Variants in FARS2 observed in about 807,000 individuals in gnomAD.
FARS2 encodes phenylalanyl-tRNA synthetase 2, mitochondrial, also known as phenylalanine--tRNA ligase, mitochondrial.
A neutral mutation model predicts 46.4 loss-of-function variants in FARS2; 40 were observed. The ratio of observed to expected loss-of-function variants is 0.86; its 90% CI spans 0.67 to 1.12. FARS2 has a LOEUF of 1.12. Ranked by LOEUF, FARS2 falls within the 50% of genes most tolerant of loss-of-function variation. The pLI is 0.00. For missense variants in FARS2, 513 were observed against 567.9 expected, an observed-to-expected ratio of 0.90 and a Z score of 0.98; for synonymous variants, 234 against 214.9, an observed-to-expected ratio of 1.09 and a Z score of -0.78.
chr6:5,648,019 G>A (rs760731985), intron 6 of FARS2, among the ~76,000 whole-genome samples: 4 of 152,168 alleles, frequency 2.6e-5, no homozygotes, highest in Non-Finnish European at 4.4e-5. Context: ...GTTCTTGTGA[G>A]AATTAAATAA....
chr6:5,643,642 A>G (rs1334253096), intron 6 of FARS2, among the ~76,000 whole-genome samples: 2 of 152,200 alleles, frequency 1.3e-5, no homozygotes, highest in East Asian at 3.8e-4. Flanking sequence ...GGTTGACTTC[A>G]GAGGTGCTCT....
In FARS2 at chr6:5,630,407, C is replaced by G. The variant is rs1776242462; in HGVS notation, c.1217+17087C>G. On this transcript the variant is annotated intron_variant, in intron 6 of 6. Transcript: ENST00000274680. The surrounding 1 kb of genome is among the most constrained non-coding windows in gnomAD (Gnocchi z 4.2). ...AAAAATACTTTGGATGATCATGTTT[C>G]TTTAAATATCCCACCCGTTGTGTCT... Among the ~76,000 whole-genome samples the G allele has an allele frequency of 6.6e-6, 1 of 152,174 alleles. No homozygotes were observed. Among genetic ancestry groups the G allele is most frequent in the African/African-American group, 2.4e-5 (1 of 41,438 alleles).
chr6:5,419,342 A>G (rs1475213524), intron 3 of FARS2, among the ~76,000 whole-genome samples: 1 of 152,228 alleles, frequency 6.6e-6, no homozygotes, highest in Non-Finnish European at 1.5e-5. Flanking sequence ...ATTGTTTCAT[A>G]AAAATAATCT....
chr6:5,442,728 A>G (rs867397039), intron 4 of FARS2, among the ~76,000 whole-genome samples: 7 of 152,130 alleles, frequency 4.6e-5, no homozygotes, highest in Admixed American at 6.5e-5. Context: ...GTCGTACTCT[A>G]GGATGTGCTT....
chr6:5,539,380 T>TTGTGTG (rs138161918), intron 4 of FARS2, among the ~76,000 whole-genome samples: 5 of 79,838 alleles, frequency 6.3e-5, no homozygotes, highest in South Asian at 7.0e-4. Context: ...CTAATTTTTT[T>TTGTGTG]TGTGTATATA....
At chr6:5,767,235 T>C (rs931958186) in intron 6 of FARS2, among the ~76,000 whole-genome samples, 2 of 152,028 alleles carry the variant, frequency 1.3e-5, no homozygotes, top group Non-Finnish European at 2.9e-5. Context: ...TTTGTATTTT[T>C]AGTAGAGACG....
chr6:5,331,503 T>A (rs1204057946), intron 1 of FARS2, among the ~76,000 whole-genome samples: 1 of 152,206 alleles, frequency 6.6e-6, no homozygotes, highest in East Asian at 1.9e-4. Context: ...TAAGTTAACT[T>A]ACCTGGTGTC....
chr6:5,422,179 G>A (rs935899189), intron 3 of FARS2, among the ~76,000 whole-genome samples: 11 of 152,110 alleles, frequency 7.2e-5, no homozygotes, highest in African/African-American at 1.4e-4. Flanking sequence ...TTTTAAACCC[G>A]TCAGATCTCA....
At chr6:5,473,066 ATTG>A (rs1481411457) in intron 4 of FARS2, among the ~76,000 whole-genome samples, 1 of 152,110 alleles carries the variant, frequency 6.6e-6, no homozygotes, top group Non-Finnish European at 1.5e-5. Flanking sequence ...ACCAGTTTGT[ATTG>A]TTCTTGTTTT....
intron 6 of FARS2, among the ~76,000 whole-genome samples, chr6:5,651,163 T>C (rs550995343): frequency 1.2e-4 from 18 of 152,150 alleles, no homozygotes; most frequent in Non-Finnish European, 2.2e-4. Flanking sequence ...GAAAAGCAGA[T>C]GGAGAAGTGG....
chr6:5,535,214 G>A (rs1770120508), intron 4 of FARS2, among the ~76,000 whole-genome samples: 1 of 151,950 alleles, frequency 6.6e-6, no homozygotes, highest in South Asian at 2.1e-4. Context: ...CAAATATTTT[G>A]CCTATTGTTC....
chr6:5,268,935 A>G (rs1765745315), intron 1 of FARS2, among the ~76,000 whole-genome samples: 1 of 152,070 alleles, frequency 6.6e-6, no homozygotes, highest in Non-Finnish European at 1.5e-5. Context: ...TGTAGGTTGG[A>G]TTCCTAGGTA....
At chr6:5,505,993 G>A (rs1419711441) in intron 4 of FARS2, among the ~76,000 whole-genome samples, 1 of 152,204 alleles carries the variant, frequency 6.6e-6, no homozygotes, top group Non-Finnish European at 1.5e-5. Flanking sequence ...ATTGAAACAG[G>A]TGAAGGAAAG....
chr6:5,629,562 G>C (rs1776196672), intron 6 of FARS2, among the ~76,000 whole-genome samples: 1 of 152,124 alleles, frequency 6.6e-6, no homozygotes, highest in African/African-American at 2.4e-5. Flanking sequence ...GAGATGAGGG[G>C]CTAGATCCTA....
chr6:5,563,560 T>A (rs1772139911), intron 5 of FARS2, among the ~76,000 whole-genome samples: 1 of 152,026 alleles, frequency 6.6e-6, no homozygotes. Flanking sequence ...GTTAGGGGGT[T>A]TTGGGGGATG....
intron 6 of FARS2, among the ~76,000 whole-genome samples, chr6:5,669,385 C>T (rs914612314): frequency 3.9e-5 from 6 of 151,918 alleles, no homozygotes; most frequent in South Asian, 2.1e-4. Flanking sequence ...CCCCACCCCC[C>T]CGCTGCCTAT....
chr6:5,327,038 A>G (rs1409842751), intron 1 of FARS2, among the ~76,000 whole-genome samples: 2 of 152,206 alleles, frequency 1.3e-5, no homozygotes, highest in African/African-American at 4.8e-5. Flanking sequence ...TAGGTCGCTC[A>G]CCAATGGAGC....
intron 2 of FARS2, among the ~76,000 whole-genome samples, chr6:5,385,899 C>G (rs1001172520): frequency 3.3e-5 from 5 of 152,146 alleles, no homozygotes; most frequent in Non-Finnish European, 7.3e-5. Flanking sequence ...CCCTGGGGCT[C>G]AGGGGTCGCC....
chr6:5,730,099 T>G (rs1427081141), intron 6 of FARS2, among the ~76,000 whole-genome samples: 1 of 152,250 alleles, frequency 6.6e-6, no homozygotes, highest in Non-Finnish European at 1.5e-5. Context: ...TTTAAAGATA[T>G]GCCAGTCTGT....
Sources: allele counts gnomAD v4.1 joint callset (sites outside exome capture counted in the v4.1 genomes callset), GRCh38; gene constraint gnomAD v4.1.1; non-coding constraint Gnocchi (gnomAD v3.1); transcripts MANE v1.5; gene names NCBI Gene and HGNC (gene_info 2026-07-23, HGNC 2026-07-21).